The following CACNG4 variants were observed in gnomAD, a reference collection of about 807,000 sequenced individuals.
The protein encoded by CACNG4 is voltage-dependent calcium channel gamma-4 subunit.
A neutral mutation model predicts 22.9 loss-of-function variants in CACNG4; 8 were observed. The ratio of observed to expected loss-of-function variants is 0.35; its 90% CI spans 0.21 to 0.63. The LOEUF (loss-of-function observed/expected upper bound fraction) is 0.63. Ranked by LOEUF, CACNG4 falls within the 30% of genes least tolerant of loss-of-function variation. The probability of loss-of-function intolerance (pLI) is 0.72; values close to 1 mark genes in which losing one functional copy is unlikely to be tolerated. For missense variants in CACNG4, 357 were observed against 455.4 expected, an observed-to-expected ratio of 0.78 and a Z score of 1.97; for synonymous variants, 188 against 191.9, an observed-to-expected ratio of 0.98 and a Z score of 0.17.
At chr17:66,968,027 G>C (rs990811544) in intron 1 of CACNG4, among the ~76,000 whole-genome samples, 3 of 152,174 alleles carry the variant, frequency 2.0e-5, no homozygotes, top group African/African-American at 7.2e-5. Context: ...CAAGTGTGCA[G>C]AGCCTTGTGC....
Position 67,018,192 on chromosome 17 carries a change from T to C in CACNG4, c.224T>C (p.Ile75Thr). ...CTTTTCCTCTCGTTCCTTCCAGGGATCTATAAAGGGCACTGCTTCCGGATC... is the reference window on the plus strand; with the variant it reads ...CTTTTCCTCTCGTTCCTTCCAGGGACCTATAAAGGGCACTGCTTCCGGATC... ...GLWRVCCIEG[I>T]YKGHCFRINH... Residue 75 changes from isoleucine to threonine, a missense_variant, in exon 2 of 4, where the codon ATC becomes ACC. Around this residue, in one of 3 missense-constraint regions of CACNG4, gnomAD observed 114 missense variants for 161.6 expected, o/e 0.71. Transcript: ENST00000262138. 5.0e-6 allele frequency: 8 copies of C among 1,612,906 alleles called. No individual in the cohort carries two copies. Among genetic ancestry groups the C allele is most frequent in the Non-Finnish European group, 6.8e-6 (8 of 1,178,998 alleles).
chr17:66,978,395 G>A (rs966687739), intron 1 of CACNG4, among the ~76,000 whole-genome samples: 10 of 152,140 alleles, frequency 6.6e-5, no homozygotes, highest in Non-Finnish European at 1.5e-4. Context: ...GACAGGGGAG[G>A]GGACCCAGAG....
chr17:67,020,670 A>T (rs1317647108), intron 2 of CACNG4, among the ~76,000 whole-genome samples: 2 of 152,230 alleles, frequency 1.3e-5, no homozygotes, highest in South Asian at 2.1e-4. Context: ...TCCAGAGTGC[A>T]GGTGCCTGTG....
intron 1 of CACNG4, among the ~76,000 whole-genome samples, chr17:66,973,894 C>T (rs1429845353): frequency 6.6e-6 from 1 of 152,198 alleles, no homozygotes; most frequent in Non-Finnish European, 1.5e-5. Context: ...CCATGAGACT[C>T]CGGGAAGTGC....
At chr17:66,993,354 T>C (rs1477081826) in intron 1 of CACNG4, among the ~76,000 whole-genome samples, 1 of 152,184 alleles carries the variant, frequency 6.6e-6, no homozygotes, top group African/African-American at 2.4e-5. Flanking sequence ...TCATCACTGG[T>C]GCTGGAAGAG....
At chr17:66,997,612 T>A (rs1459997468) in intron 1 of CACNG4, among the ~76,000 whole-genome samples, 3 of 151,564 alleles carry the variant, frequency 2.0e-5, no homozygotes, top group African/African-American at 7.3e-5. Context: ...AGGTCAGGAG[T>A]TCGAGACCAG....
intron 1 of CACNG4, among the ~76,000 whole-genome samples, chr17:66,991,712 C>T (rs1274256015): frequency 3.3e-5 from 5 of 152,166 alleles, no homozygotes; most frequent in Non-Finnish European, 7.3e-5. Context: ...CCTGACAACT[C>T]CCAACCACAT....
chr17:67,002,157 G>T (rs2035412125), intron 1 of CACNG4, among the ~76,000 whole-genome samples: 2 of 152,224 alleles, frequency 1.3e-5, no homozygotes, highest in African/African-American at 4.8e-5. Flanking sequence ...GAGGCCTCAT[G>T]ATCATAGCAG....
At chr17:67,010,928 A>T (rs2035464480) in intron 1 of CACNG4, among the ~76,000 whole-genome samples, 1 of 152,154 alleles carries the variant, frequency 6.6e-6, no homozygotes, top group Non-Finnish European at 1.5e-5. Context: ...TTTCTGAGAC[A>T]CAGACATGGT....
chr17:66,991,095 G>A (rs1448955681), intron 1 of CACNG4, among the ~76,000 whole-genome samples: 1 of 152,102 alleles, frequency 6.6e-6, no homozygotes, highest in Non-Finnish European at 1.5e-5. Flanking sequence ...GGTGAATGGC[G>A]CTCCCTCCCT....
chr17:67,029,279 C>T (rs1044839210), intron 3 of CACNG4, among the ~76,000 whole-genome samples: 1 of 151,776 alleles, frequency 6.6e-6, no homozygotes, highest in African/African-American at 2.4e-5. Flanking sequence ...TTGCAGTGAG[C>T]GGAGATCGTG....
chr17:66,990,685 A>T (rs1327074027), intron 1 of CACNG4, among the ~76,000 whole-genome samples: 1 of 140,448 alleles, frequency 7.1e-6, no homozygotes, highest in Admixed American at 7.0e-5. Flanking sequence ...ATTTTATTTT[A>T]TTTATTTATT....
chr17:67,004,303 C>T (rs576922393), intron 1 of CACNG4, among the ~76,000 whole-genome samples: 34 of 152,124 alleles, frequency 2.2e-4, no homozygotes, highest in Non-Finnish European at 3.7e-4. Flanking sequence ...TCTCCGGCTC[C>T]GTTTAATTAT....
chr17:67,026,326 G>A (rs1356905531), intron 3 of CACNG4, among the ~76,000 whole-genome samples: 3 of 150,264 alleles, frequency 2.0e-5, no homozygotes, highest in African/African-American at 7.4e-5. Flanking sequence ...TGTATTTGAG[G>A]ACTGGTGGGT....
intron 2 of CACNG4, among the ~76,000 whole-genome samples, chr17:67,018,898 C>G (rs952277030): frequency 6.6e-6 from 1 of 152,094 alleles, no homozygotes; most frequent in Non-Finnish European, 1.5e-5. Flanking sequence ...GCATGTGGCC[C>G]GCAGACTGAA....
chr17:66,985,668 C>G (rs934674056), intron 1 of CACNG4, among the ~76,000 whole-genome samples: 7 of 152,210 alleles, frequency 4.6e-5, no homozygotes, highest in African/African-American at 1.4e-4. Context: ...ATTCTTTATT[C>G]ATCCAGCAGA....
chr17:66,969,588 T>C (rs138189283), intron 1 of CACNG4, among the ~76,000 whole-genome samples: 3 of 152,268 alleles, frequency 2.0e-5, no homozygotes, highest in African/African-American at 7.2e-5. Context: ...CCAACCTTTC[T>C]TCCCACCATG....
At chr17:66,971,080 C>A (rs891020929) in intron 1 of CACNG4, among the ~76,000 whole-genome samples, 2 of 152,090 alleles carry the variant, frequency 1.3e-5, no homozygotes, top group Admixed American at 6.6e-5. Context: ...GCCTGGTGGG[C>A]CTCTGTCTCC....
At chr17:66,997,902 A>C (rs961274632) in intron 1 of CACNG4, among the ~76,000 whole-genome samples, 1 of 152,122 alleles carries the variant, frequency 6.6e-6, no homozygotes, top group Non-Finnish European at 1.5e-5. Flanking sequence ...AGGACAGAGG[A>C]GAAGCTGCAC....
Sources: gnomAD v4.1 joint callset for allele counts (sites outside exome capture counted in the v4.1 genomes callset) on GRCh38, gnomAD v4.1.1 for gene constraint, gnomAD v4.1.1 regional missense constraint, MANE v1.5 for transcripts, NCBI Gene and HGNC (gene_info 2026-07-23, HGNC 2026-07-21) for gene names.